Variants in SV2C observed in about 807,000 individuals in gnomAD.
SV2C encodes the protein synaptic vesicle glycoprotein 2C.
Under a neutral mutation model 79.7 loss-of-function variants are expected in SV2C, and 49 were observed. The observed-to-expected ratio is 0.61, with a 90% confidence interval of 0.49 to 0.78. SV2C has a LOEUF of 0.78. SV2C is among the 30% of genes least tolerant of loss of function. SV2C has a pLI of 0.00. For missense variants in SV2C, 833 were observed against 912.9 expected, an observed-to-expected ratio of 0.91 and a Z score of 1.13; for synonymous variants, 334 against 333.2, an observed-to-expected ratio of 1.00 and a Z score of -0.03.
the SV2C span, among the ~76,000 whole-genome samples, chr5:75,899,373 G>A: frequency 1.3e-5 from 2 of 152,180 alleles, no homozygotes; most frequent in African/African-American, 4.8e-5. Flanking sequence ...ATGTAGTTGA[G>A]TGGTTTTGAG....
At chr5:75,892,704 G>A in the SV2C span, among the ~76,000 whole-genome samples, 1 of 151,992 alleles carries the variant, frequency 6.6e-6, no homozygotes, top group African/African-American at 2.4e-5. Context: ...CTGTTTCTGT[G>A]TTAAGTCACT....
the SV2C span, among the ~76,000 whole-genome samples, chr5:75,959,018 C>T: frequency 6.6e-6 from 1 of 151,934 alleles, no homozygotes; most frequent in African/African-American, 2.4e-5. Flanking sequence ...CATGCTAAAA[C>T]TGTGACAGAA....
chr5:76,210,697 G>C (rs1501934), intron 4 of SV2C, among the ~76,000 whole-genome samples: 12,605 of 152,158 alleles, frequency 0.083, 863 homozygotes, highest in East Asian at 0.31. Flanking sequence ...CTTCCTGGAG[G>C]ATGGGGGTGG....
At chr5:76,043,961 A>G in the SV2C span, among the ~76,000 whole-genome samples, 1 of 152,106 alleles carries the variant, frequency 6.6e-6, no homozygotes, top group South Asian at 2.1e-4. Context: ...GGTTTGTTAT[A>G]TAGGCAAATG....
At chr5:75,897,046 T>C in the SV2C span, among the ~76,000 whole-genome samples, 1 of 146,294 alleles carries the variant, frequency 6.8e-6, no homozygotes, top group African/African-American at 2.8e-5. Context: ...GTAGTTTCTT[T>C]TGCTGTGCAG....
the SV2C span, among the ~76,000 whole-genome samples, chr5:75,926,095 T>A: frequency 9.2e-5 from 14 of 152,312 alleles, no homozygotes; most frequent in African/African-American, 3.1e-4. Context: ...AATGGCAATA[T>A]TCAATCAAAG....
intron 6 of SV2C, among the ~76,000 whole-genome samples, chr5:76,290,133 C>G (rs1747508150): frequency 6.6e-6 from 1 of 152,040 alleles, no homozygotes; most frequent in Non-Finnish European, 1.5e-5. Context: ...AACATAATTC[C>G]TACATGGATT....
At chr5:75,977,622 T>C in the SV2C span, among the ~76,000 whole-genome samples, 1 of 152,156 alleles carries the variant, frequency 6.6e-6, no homozygotes, top group South Asian at 2.1e-4. Context: ...AAGAGCCTTC[T>C]CCTCACCCAT....
chr5:75,921,627 T>G, the SV2C span: 1 of 907,170 alleles, frequency 1.1e-6, no homozygotes, highest in Admixed American at 1.8e-5. Flanking sequence ...CCCTTCTTGA[T>G]GTTTTTCCTG....
At chr5:76,300,183 T>G (rs1004723383) in intron 10 of SV2C, among the ~76,000 whole-genome samples, 1 of 148,308 alleles carries the variant, frequency 6.7e-6, no homozygotes, top group Non-Finnish European at 1.5e-5. Flanking sequence ...TTATTATTAT[T>G]ATTATTATTT....
chr5:75,912,933 A>C, the SV2C span, among the ~76,000 whole-genome samples: 1 of 152,260 alleles, frequency 6.6e-6, no homozygotes. Flanking sequence ...TAAACCTAGA[A>C]TAGGCTAAAC....
chr5:76,335,519 TA>T (rs1039696412), downstream of SV2C, among the ~76,000 whole-genome samples: 3 of 144,900 alleles, frequency 2.1e-5, no homozygotes, highest in Non-Finnish European at 4.5e-5. Flanking sequence ...GGTCAGCAGA[TA>T]AACAAGTGAA....
intron 1 of SV2C, among the ~76,000 whole-genome samples, chr5:76,084,487 A>G (rs1233503808): frequency 6.8e-6 from 1 of 147,500 alleles, no homozygotes; most frequent in African/African-American, 2.5e-5. Context: ...ACGGGGATGA[A>G]CTTGGCTTGG....
intron 4 of SV2C, among the ~76,000 whole-genome samples, chr5:76,234,686 A>G (rs1196200008): frequency 1.3e-5 from 2 of 152,224 alleles, no homozygotes; most frequent in African/African-American, 4.8e-5. Flanking sequence ...ATTATAAATC[A>G]TGGTTTCATT....
At chr5:75,975,722 T>C in the SV2C span, among the ~76,000 whole-genome samples, 2,327 of 152,286 alleles carry the variant, frequency 0.015, 51 homozygotes, top group African/African-American at 0.053. Flanking sequence ...ATGCATATAT[T>C]ACAGGCATTG....
intron 1 of SV2C, among the ~76,000 whole-genome samples, chr5:76,122,860 A>T (rs1353473402): frequency 6.6e-6 from 1 of 152,188 alleles, no homozygotes; most frequent in African/African-American, 2.4e-5. Flanking sequence ...AGAAGGCAAG[A>T]AATAACTAAA....
the SV2C span, among the ~76,000 whole-genome samples, chr5:76,028,142 T>C: frequency 6.6e-6 from 1 of 152,228 alleles, no homozygotes; most frequent in Admixed American, 6.5e-5. Flanking sequence ...CCCCGCATCA[T>C]GGCTTGGAAA....
chr5:76,118,365 T>C (rs1273145175), intron 1 of SV2C, among the ~76,000 whole-genome samples: 1 of 152,212 alleles, frequency 6.6e-6, no homozygotes, highest in Non-Finnish European at 1.5e-5. Context: ...CAATCCTTAA[T>C]ATATTTATAT....
chr5:76,126,988 A>G (rs1748726700), intron 1 of SV2C, among the ~76,000 whole-genome samples: 1 of 152,262 alleles, frequency 6.6e-6, no homozygotes. Context: ...CACATGGCTG[A>G]CATAATAACG....
Sources: gnomAD v4.1 joint callset for allele counts (sites outside exome capture counted in the v4.1 genomes callset) on GRCh38, gnomAD v4.1.1 for gene constraint, MANE v1.5 for transcripts, NCBI Gene and HGNC (gene_info 2026-07-23, HGNC 2026-07-21) for gene names.